The following KCNMB2 variants were observed in gnomAD, a reference collection of about 807,000 sequenced individuals.
KCNMB2 encodes the protein calcium-activated potassium channel subunit beta-2.
A neutral mutation model predicts 24.5 loss-of-function variants in KCNMB2; 9 were observed. That is an observed-to-expected ratio of 0.37 (90% CI 0.22 to 0.64). The LOEUF (loss-of-function observed/expected upper bound fraction) is 0.64, where lower values mean the gene tolerates loss of function less well. Among genes scored for constraint, KCNMB2 ranks in the 30% least tolerant of loss-of-function variants. The probability of loss-of-function intolerance (pLI) is 0.63; values close to 1 mark genes in which losing one functional copy is unlikely to be tolerated. For synonymous variants in KCNMB2, 109 were observed against 104.4 expected, an observed-to-expected ratio of 1.04 and a Z score of -0.27; for missense variants, 226 against 284.3, an observed-to-expected ratio of 0.79 and a Z score of 1.47.
intron 1 of KCNMB2, among the ~76,000 whole-genome samples, chr3:178,730,591 C>T (rs978011596): frequency 2.0e-5 from 3 of 152,116 alleles, no homozygotes; most frequent in Admixed American, 6.5e-5. Context: ...TAAGACCTTC[C>T]AATTTATTTC....
intron 1 of KCNMB2, among the ~76,000 whole-genome samples, chr3:178,545,683 T>C (rs1160383171): frequency 6.6e-6 from 1 of 152,216 alleles, no homozygotes; most frequent in Non-Finnish European, 1.5e-5. Flanking sequence ...ATGAAGAATG[T>C]ATAGTCCCAT....
chr3:178,628,399 A>G lies in KCNMB2; in HGVS notation c.-68+91688A>G, dbSNP rs144979100. Among the ~76,000 whole-genome samples the G allele has an allele frequency of 1.4e-3, 216 of 152,332 alleles. 2 individuals carry two copies. The highest frequency in any genetic ancestry group is 5.1e-3 in the African/African-American group (211 of 41,590). On this transcript the variant is annotated intron_variant, in intron 1 of 4. Transcript: ENST00000452583. ...GGTTTCTGCCAATTAAAGTGCATTT[A>G]ACTTATCATTTTACTTCCTATAACA...
chr3:178,544,435 G>T (rs750994421), intron 1 of KCNMB2, among the ~76,000 whole-genome samples: 1 of 152,110 alleles, frequency 6.6e-6, no homozygotes, highest in African/African-American at 2.4e-5. Flanking sequence ...TGACAGTTCA[G>T]ACAGCAAATG....
chr3:178,842,030 G>T (rs1267032105), intron 4 of KCNMB2, among the ~76,000 whole-genome samples: 1 of 152,148 alleles, frequency 6.6e-6, no homozygotes, highest in Non-Finnish European at 1.5e-5. Flanking sequence ...CACACTAAAT[G>T]GGTCTGACCC....
At chr3:178,616,197 C>T (rs1001882691) in intron 1 of KCNMB2, among the ~76,000 whole-genome samples, 23 of 152,220 alleles carry the variant, frequency 1.5e-4, no homozygotes, top group African/African-American at 5.5e-4. Flanking sequence ...AAGTCGGGTG[C>T]CCCCAGAGTC....
intron 1 of KCNMB2, among the ~76,000 whole-genome samples, chr3:178,622,820 G>A (rs1203843637): frequency 1.3e-5 from 2 of 152,124 alleles, no homozygotes; most frequent in African/African-American, 4.8e-5. Context: ...CACAAACGTA[G>A]GATCCTTTAA....
intron 1 of KCNMB2, among the ~76,000 whole-genome samples, chr3:178,715,515 T>C (rs1722592383): frequency 6.6e-6 from 1 of 152,066 alleles, no homozygotes; most frequent in Non-Finnish European, 1.5e-5. Flanking sequence ...CCCTGTGTCT[T>C]TGAGTTAAGT....
At chr3:178,554,313 T>C (rs1716053030) in intron 1 of KCNMB2, among the ~76,000 whole-genome samples, 1 of 152,330 alleles carries the variant, frequency 6.6e-6, no homozygotes, top group Middle Eastern at 3.4e-3. Context: ...GTAGATAAAT[T>C]TGAATCAACT....
intron 1 of KCNMB2, among the ~76,000 whole-genome samples, chr3:178,562,624 GT>G (rs1472691752): frequency 6.6e-6 from 1 of 152,180 alleles, no homozygotes; most frequent in Admixed American, 6.5e-5. Flanking sequence ...TGAAGGTAAA[GT>G]GATTAAATCC....
intron 1 of KCNMB2, among the ~76,000 whole-genome samples, chr3:178,573,583 T>TA (rs71647211): frequency 0.042 from 5,221 of 124,632 alleles, 170 homozygotes; most frequent in African/African-American, 0.1. Context: ...CTACAAAACA[T>TA]AAAAAAAAAA....
At chr3:178,822,250 T>G (rs1714659775) in intron 2 of KCNMB2, among the ~76,000 whole-genome samples, 2 of 152,250 alleles carry the variant, frequency 1.3e-5, no homozygotes, top group Admixed American at 1.3e-4. Flanking sequence ...TAAAATACCT[T>G]TGACTCTTTG....
At chr3:178,780,822 A>C (rs1560018768) in intron 1 of KCNMB2, among the ~76,000 whole-genome samples, 1 of 152,252 alleles carries the variant, frequency 6.6e-6, no homozygotes, top group Non-Finnish European at 1.5e-5. Context: ...CATGTAAAAC[A>C]TAAGACCTAT....
intron 1 of KCNMB2, among the ~76,000 whole-genome samples, chr3:178,614,381 C>T (rs1180810699): frequency 1.4e-5 from 2 of 139,948 alleles, no homozygotes; most frequent in Non-Finnish European, 3.1e-5. Flanking sequence ...ACTCACAGTT[C>T]CACATGGCTG....
chr3:178,752,255 G>T (rs565656706), intron 1 of KCNMB2, among the ~76,000 whole-genome samples: 4 of 152,280 alleles, frequency 2.6e-5, no homozygotes, highest in African/African-American at 9.6e-5. Context: ...GTTAGGAATA[G>T]CAATGAATTT....
intron 1 of KCNMB2, among the ~76,000 whole-genome samples, chr3:178,566,049 G>GAGAATAAAC (rs1716505666): frequency 6.6e-6 from 1 of 152,150 alleles, no homozygotes; most frequent in South Asian, 2.1e-4. Context: ...GGAATATCAT[G>GAGAATAAAC]AGAATAAACT....
At chr3:178,586,895 T>TA (rs1257547407) in intron 1 of KCNMB2, among the ~76,000 whole-genome samples, 4 of 152,218 alleles carry the variant, frequency 2.6e-5, no homozygotes, top group Non-Finnish European at 4.4e-5. Context: ...GTCAAGATTA[T>TA]AAAACTATTC....
intron 1 of KCNMB2, among the ~76,000 whole-genome samples, chr3:178,799,271 T>A (rs1210743405): frequency 6.6e-6 from 1 of 152,042 alleles, no homozygotes; most frequent in African/African-American, 2.4e-5. Context: ...AATCTTATAC[T>A]TGGAAAAACC....
chr3:178,543,592 T>C (rs1306727480), intron 1 of KCNMB2, among the ~76,000 whole-genome samples: 1 of 152,228 alleles, frequency 6.6e-6, no homozygotes, highest in African/African-American at 2.4e-5. Flanking sequence ...ATTGGGAAAC[T>C]CTCAAATCCT....
chr3:178,818,638 T>C (rs1714500963), intron 2 of KCNMB2, among the ~76,000 whole-genome samples: 1 of 152,184 alleles, frequency 6.6e-6, no homozygotes, highest in Non-Finnish European at 1.5e-5. Context: ...CCCCTCTTTA[T>C]CTAACACCTG....
Sources: gnomAD v4.1 joint callset for allele counts (sites outside exome capture counted in the v4.1 genomes callset) on GRCh38, gnomAD v4.1.1 for gene constraint, MANE v1.5 for transcripts, NCBI Gene and HGNC (gene_info 2026-07-23, HGNC 2026-07-21) for gene names.